Variants in AFF1 observed in about 807,000 individuals in gnomAD.
AFF1 encodes AF4/FMR2 family member 1.
AFF1 carries 48 observed loss-of-function variants against 121.7 expected under a neutral mutation model. That is an observed-to-expected ratio of 0.39 (90% CI 0.31 to 0.50). The LOEUF is 0.50. Among genes scored for constraint, AFF1 ranks in the 20% least tolerant of loss-of-function variants. The pLI is 0.76. For synonymous variants in AFF1, 613 were observed against 563.0 expected (o/e 1.09, Z -1.26); for missense variants, 1,523 against 1,511.7 (o/e 1.01, Z -0.12).
intron 2 of AFF1, among the ~76,000 whole-genome samples, chr4:87,044,861 G>A (rs1730513174): frequency 6.6e-6 from 1 of 152,194 alleles, no homozygotes. Flanking sequence ...CAAGGGGACA[G>A]TAGATAATTT....
chr4:87,065,335 C>A (rs1394895826), intron 4 of AFF1, among the ~76,000 whole-genome samples: 2 of 152,068 alleles, frequency 1.3e-5, no homozygotes, highest in Admixed American at 6.5e-5. Context: ...CGGGAAAGAC[C>A]TGCCCCCATG....
At position 87,047,162 on chromosome 4, in the gene AFF1, C is replaced by G; in HGVS notation, c.627C>G (p.Ile209Met). ...SAPERELSPL[I>M]SLPSPVPPLS... Reference sequence around the variant, plus strand: ...CAGAGAGGGAGCTTTCTCCCTTAATCTCTTTGCCTTCCCCAGTTCCCCCTT... The same window carrying G: ...CAGAGAGGGAGCTTTCTCCCTTAATGTCTTTGCCTTCCCCAGTTCCCCCTT... The change falls in exon 4 of 21, where the codon ATC becomes ATG. Residue 209 changes from isoleucine to methionine, a missense_variant. Ile to Met is a conservative substitution (Grantham distance 10, BLOSUM62 1). Around this residue, in one of 5 missense-constraint regions of AFF1, gnomAD observed 369 missense variants for 367.2 expected, o/e 1.00. Transcript: ENST00000395146. 1 of 1,614,220 alleles carries G rather than the reference C, an allele frequency of 6.2e-7. No individual in the cohort carries two copies. Among genetic ancestry groups the G allele is most frequent in the African/African-American group, 1.3e-5 (1 of 75,058 alleles).
intron 14 of AFF1, 117 bp downstream of exon 14, chr4:87,126,453 G>A: frequency 3.2e-6 from 3 of 924,752 alleles, no homozygotes; most frequent in Non-Finnish European, 1.7e-6. Context: ...TTTTAATGAG[G>A]CAACTGTTTG....
At position 87,063,947 on chromosome 4, in the gene AFF1, A is replaced by G. The variant is rs1721073391; in HGVS notation, c.1059+16353A>G. ...TTAGGTTGGTTTGCTGGTGTTTCACAGTTGTTGTGATGAAGTAATGAAACT... is the reference window on the plus strand; with the variant it reads ...TTAGGTTGGTTTGCTGGTGTTTCACGGTTGTTGTGATGAAGTAATGAAACT... On this transcript the variant is annotated intron_variant, in intron 4 of 20. Coordinates refer to ENST00000395146, the MANE Select transcript of AFF1 (RefSeq NM_001166693.3). 3.3e-5 allele frequency among the ~76,000 whole-genome samples: 5 copies of G among 152,250 alleles called. No homozygotes were observed. The South Asian group carries it at 8.3e-4, about 25-fold the overall frequency.
chr4:86,987,946 CAAAAA>C (rs70953634), intron 2 of AFF1, among the ~76,000 whole-genome samples: 1 of 134,854 alleles, frequency 7.4e-6, no homozygotes, highest in Non-Finnish European at 1.6e-5. Flanking sequence ...GAGTGAGACT[CAAAAA>C]AAAAAAAAAA....
intron 12 of AFF1, among the ~76,000 whole-genome samples, chr4:87,124,729 A>G (rs932507550): frequency 3.3e-5 from 5 of 152,226 alleles, no homozygotes; most frequent in African/African-American, 7.2e-5. Flanking sequence ...TCAGTGGTCT[A>G]TTGAAGTCTA....
chr4:87,090,454 G>C (rs1011317175), intron 6 of AFF1, among the ~76,000 whole-genome samples: 1 of 152,172 alleles, frequency 6.6e-6, no homozygotes, highest in Non-Finnish European at 1.5e-5. Flanking sequence ...TGAGTTTAAT[G>C]TGATCAGTTA....
In AFF1 at chr4:87,089,966, T is replaced by A; in HGVS notation, c.1105-18T>A. ...ATTTATAATTTACTTTTTCTTCCCT[T>A]TCCAAATATCTTTCCAGGAAATGAC... On this transcript the variant is annotated intron_variant, in intron 5 of 20. Coordinates refer to ENST00000395146, the MANE Select transcript of AFF1 (RefSeq NM_001166693.3). The A allele has an allele frequency of 1.2e-6, 2 of 1,601,560 alleles. No individual in the cohort carries two copies. Among genetic ancestry groups the A allele is most frequent in the Non-Finnish European group, 8.6e-7 (1 of 1,169,470 alleles).
intron 12 of AFF1, among the ~76,000 whole-genome samples, chr4:87,115,919 A>G (rs1186889716): frequency 1.3e-5 from 2 of 151,934 alleles, no homozygotes; most frequent in African/African-American, 4.8e-5. Flanking sequence ...GCCCAGCCTC[A>G]TTTTCATTTA....
At chr4:87,067,644 T>C (rs529444137) in intron 4 of AFF1, among the ~76,000 whole-genome samples, 2 of 152,254 alleles carry the variant, frequency 1.3e-5, no homozygotes, top group Non-Finnish European at 2.9e-5. Context: ...CCCAGTCTTT[T>C]CTGCTGCTGT....
intron 2 of AFF1, among the ~76,000 whole-genome samples, chr4:86,995,922 C>T (rs1460540461): frequency 6.6e-6 from 1 of 151,460 alleles, no homozygotes; most frequent in Non-Finnish European, 1.5e-5. Context: ...CTCTGCCCTG[C>T]CGCCCCGTCC....
At chr4:87,034,110 G>T (rs1249375508) in intron 2 of AFF1, among the ~76,000 whole-genome samples, 1 of 152,168 alleles carries the variant, frequency 6.6e-6, no homozygotes, top group African/African-American at 2.4e-5. Context: ...GCGGGGACTG[G>T]CTGAGGAGCC....
intron 2 of AFF1, among the ~76,000 whole-genome samples, chr4:86,989,869 C>A (rs1724563287): frequency 6.6e-6 from 1 of 152,172 alleles, no homozygotes. Context: ...AGTTCATGTC[C>A]TTTGCAGGGA....
intron 2 of AFF1, among the ~76,000 whole-genome samples, chr4:86,978,938 C>G (rs940579906): frequency 2.0e-5 from 3 of 152,152 alleles, no homozygotes; most frequent in Non-Finnish European, 2.9e-5. Flanking sequence ...TCTGTTTTGA[C>G]CAGGTATAAC....
intron 2 of AFF1, among the ~76,000 whole-genome samples, chr4:87,005,837 T>C (rs949818205): frequency 2.0e-5 from 3 of 152,254 alleles, no homozygotes; most frequent in Admixed American, 2.0e-4. Flanking sequence ...TAGTGAAGAA[T>C]GCAGTGACTA....
At position 87,030,969 on chromosome 4, in the gene AFF1, C is replaced by T. The variant is rs147448850; in HGVS notation, c.39-15197C>T. On this transcript the variant is annotated intron_variant, in intron 2 of 20. Coordinates refer to ENST00000395146, the MANE Select transcript of AFF1 (RefSeq NM_001166693.3). Reference sequence around the variant, plus strand: ...CATTCTAAACTCCCACATCCACACTCGGTTCATTTCCCGAAAACTGACAGT... The same window carrying T: ...CATTCTAAACTCCCACATCCACACTTGGTTCATTTCCCGAAAACTGACAGT... Among the ~76,000 whole-genome samples, 191 of 152,238 alleles carry T rather than the reference C, an allele frequency of 1.3e-3. 1 individual carries two copies. The highest frequency in any genetic ancestry group is 4.3e-3 in the African/African-American group (180 of 41,546).
chr4:87,039,517 TC>T (rs1370584883), intron 2 of AFF1, among the ~76,000 whole-genome samples: 1 of 152,210 alleles, frequency 6.6e-6, no homozygotes, highest in Non-Finnish European at 1.5e-5. Flanking sequence ...TGTGGCACAG[TC>T]CCCCTTTCAT....
intron 1 of AFF1, chr4:86,935,604 T>G (rs1450834159): frequency 6.6e-6 from 1 of 151,262 alleles, no homozygotes. Flanking sequence ...CTACTTGAGT[T>G]GCGTAATGAG....
intron 2 of AFF1, among the ~76,000 whole-genome samples, chr4:86,963,074 G>A (rs1178001658): frequency 6.8e-6 from 1 of 146,970 alleles, no homozygotes; most frequent in Non-Finnish European, 1.5e-5. Context: ...GCTGAGGCAC[G>A]AGAATTGCTC....
Sources: gnomAD v4.1 joint callset for allele counts (sites outside exome capture counted in the v4.1 genomes callset) on GRCh38, gnomAD v4.1.1 for gene constraint, gnomAD v4.1.1 regional missense constraint, MANE v1.5 for transcripts, NCBI Gene and HGNC (gene_info 2026-07-23, HGNC 2026-07-21) for gene names.